CTNNA2: variants seen among roughly 807,000 people sequenced by gnomAD.
The protein encoded by CTNNA2 is catenin alpha 2, also known as catenin alpha-2.
A neutral mutation model predicts 101.0 loss-of-function variants in CTNNA2; 42 were observed. That is an observed-to-expected ratio of 0.42 (90% CI 0.32 to 0.54). The LOEUF is 0.54. Among genes scored for constraint, CTNNA2 ranks in the 20% least tolerant of loss-of-function variants. CTNNA2 has a pLI of 0.14. For missense variants in CTNNA2, 871 were observed against 1,223.1 expected (o/e 0.71, Z 4.29); for synonymous variants, 450 against 456.4 (o/e 0.99, Z 0.18).
chr2:80,296,537 G>A (rs1218822130), intron 7 of CTNNA2, among the ~76,000 whole-genome samples: 1 of 152,074 alleles, frequency 6.6e-6, no homozygotes, highest in Non-Finnish European at 1.5e-5. Flanking sequence ...TGAACCTAAG[G>A]GCTTTTAATT....
chr2:79,465,169 A>C (rs1670919836), intron 4 of CTNNA2, among the ~76,000 whole-genome samples: 1 of 152,218 alleles, frequency 6.6e-6, no homozygotes, highest in Non-Finnish European at 1.5e-5. Context: ...TATAAAGTGT[A>C]AGGAAGGGAT....
At chr2:80,128,304 T>C (rs1196015329) in intron 7 of CTNNA2, among the ~76,000 whole-genome samples, 1 of 152,120 alleles carries the variant, frequency 6.6e-6, no homozygotes, top group African/African-American at 2.4e-5. Flanking sequence ...CTCATTTGAG[T>C]GATCAGTGTT....
intron 3 of CTNNA2, among the ~76,000 whole-genome samples, chr2:79,814,366 A>G (rs1677297603): frequency 6.6e-6 from 1 of 152,086 alleles, no homozygotes. Flanking sequence ...ACTGCACCGT[A>G]TTTGTAGTCT....
chr2:80,072,651 T>C (rs577928023), intron 7 of CTNNA2, among the ~76,000 whole-genome samples: 1 of 152,050 alleles, frequency 6.6e-6, no homozygotes. Flanking sequence ...CCAATACCAT[T>C]CAAGGTGCAG....
chr2:79,955,858 A>G (rs555476489), intron 7 of CTNNA2, among the ~76,000 whole-genome samples: 1 of 152,254 alleles, frequency 6.6e-6, no homozygotes, highest in East Asian at 1.9e-4. Flanking sequence ...GCTCCCATGG[A>G]CATCACCTGG....
intron 1 of CTNNA2, among the ~76,000 whole-genome samples, chr2:79,535,770 T>C (rs534126120): frequency 6.6e-6 from 1 of 152,230 alleles, no homozygotes; most frequent in South Asian, 2.1e-4. Context: ...TTAGAAGGTA[T>C]TCCCAGAAAG....
At position 80,210,438 on chromosome 2, in the gene CTNNA2, C is replaced by T. The variant is rs1707812864; in HGVS notation, c.1057-182773C>T. 2.0e-5 allele frequency among the ~76,000 whole-genome samples: 3 copies of T among 152,154 alleles called. No individual in the cohort carries two copies. In the South Asian group the frequency reaches 6.2e-4, roughly 32 times the overall value. ...TCCAAGTGTTCTCATTGTTCAGTTC[C>T]CACCTATGAGTGAGAACATGCAGTG... On this transcript the variant is annotated intron_variant, in intron 7 of 18. Coordinates refer to ENST00000402739, the MANE Select transcript of CTNNA2 (RefSeq NM_001282597.3).
At chr2:79,808,865 G>C (rs1228502076) in intron 3 of CTNNA2, among the ~76,000 whole-genome samples, 1 of 151,632 alleles carries the variant, frequency 6.6e-6, no homozygotes, top group South Asian at 2.1e-4. Flanking sequence ...AGGTATACAC[G>C]TGCCATGGTG....
chr2:79,664,250 A>G (rs573242005), intron 2 of CTNNA2, among the ~76,000 whole-genome samples: 6 of 152,314 alleles, frequency 3.9e-5, no homozygotes, highest in East Asian at 1.9e-4. Flanking sequence ...AATAATCTCT[A>G]TATTTTCTTT....
chr2:80,420,033 TGA>T (rs1491422153), intron 9 of CTNNA2, among the ~76,000 whole-genome samples: 1 of 61,170 alleles, frequency 1.6e-5, no homozygotes, highest in African/African-American at 7.4e-5. Flanking sequence ...TGGGAACTTG[TGA>T]AAAAAAAAAA....
intron 2 of CTNNA2, among the ~76,000 whole-genome samples, chr2:79,261,193 G>A (rs897810286): frequency 1.3e-5 from 2 of 152,104 alleles, no homozygotes; most frequent in African/African-American, 4.8e-5. Context: ...GCACGTCAGG[G>A]CATTCAGAGA....
rs1045665419 is a variant in CTNNA2 at position 79,451,403 on chromosome 2, G to C, written c.-134-53651G>C. ...TATTACATTAAATACATTTCAATGTGTTATGAGCAGTCATTAGACATTTAT... is the reference window on the plus strand; with the variant it reads ...TATTACATTAAATACATTTCAATGTCTTATGAGCAGTCATTAGACATTTAT... On this transcript the variant is annotated intron_variant, in intron 4 of 21. Transcript: ENST00000466387. Among the ~76,000 whole-genome samples the C allele has an allele frequency of 3.9e-5, 6 of 151,938 alleles. No individual in the cohort carries two copies. In the South Asian group the frequency reaches 1.2e-3, roughly 32 times the overall value.
chr2:80,340,580 C>G (rs575995518), intron 7 of CTNNA2, among the ~76,000 whole-genome samples: 50 of 152,308 alleles, frequency 3.3e-4, no homozygotes, highest in African/African-American at 1.2e-3. Flanking sequence ...AGGTGACATA[C>G]AGCCCTTTAG....
At chr2:79,791,947 A>G (rs1339885684) in intron 3 of CTNNA2, among the ~76,000 whole-genome samples, 3 of 152,208 alleles carry the variant, frequency 2.0e-5, no homozygotes, top group East Asian at 1.9e-4. Context: ...ACGGAGAAGG[A>G]CAGGTGGCCT....
At chr2:79,996,710 C>T (rs1292577903) in intron 7 of CTNNA2, among the ~76,000 whole-genome samples, 1 of 152,138 alleles carries the variant, frequency 6.6e-6, no homozygotes, top group Non-Finnish European at 1.5e-5. Context: ...TTTCACTATT[C>T]TTTTTACAAA....
At chr2:80,416,707 A>G (rs1481921348) in intron 8 of CTNNA2, among the ~76,000 whole-genome samples, 1 of 151,948 alleles carries the variant, frequency 6.6e-6, no homozygotes, top group Non-Finnish European at 1.5e-5. Context: ...ACTATATTCT[A>G]TCACTTTTTA....
intron 3 of CTNNA2, among the ~76,000 whole-genome samples, chr2:79,749,507 C>T (rs1490335815): frequency 6.6e-6 from 1 of 152,116 alleles, no homozygotes; most frequent in East Asian, 1.9e-4. Flanking sequence ...GTGATATATG[C>T]ATATTATCTT....
intron 7 of CTNNA2, among the ~76,000 whole-genome samples, chr2:80,001,758 G>T (rs1209490581): frequency 6.6e-6 from 1 of 152,174 alleles, no homozygotes; most frequent in Non-Finnish European, 1.5e-5. Flanking sequence ...AGCCTCCTGT[G>T]CCTCACCCCC....
intron 4 of CTNNA2, among the ~76,000 whole-genome samples, chr2:79,422,651 G>A (rs765272191): frequency 2.6e-5 from 4 of 152,088 alleles, no homozygotes; most frequent in Non-Finnish European, 5.9e-5. Flanking sequence ...GGAAATCAGC[G>A]CTTCTCAGAA....
Sources: allele counts gnomAD v4.1 joint callset (sites outside exome capture counted in the v4.1 genomes callset), GRCh38; gene constraint gnomAD v4.1.1; transcripts MANE v1.5; gene names NCBI Gene and HGNC (gene_info 2026-07-23, HGNC 2026-07-21).